TPP1: variants seen among roughly 807,000 people sequenced by gnomAD.
TPP1 encodes tripeptidyl-peptidase 1.
TPP1 carries 43 observed loss-of-function variants against 67.6 expected under a neutral mutation model. The ratio of observed to expected loss-of-function variants is 0.64; its 90% confidence interval spans 0.50 to 0.82. The LOEUF (loss-of-function observed/expected upper bound fraction) is 0.82. Among genes scored for constraint, TPP1 ranks in the 40% least tolerant of loss-of-function variants. The pLI is 0.00. For missense variants in TPP1, 671 were observed against 710.9 expected (o/e 0.94, Z 0.64); for synonymous variants, 272 against 281.5 (o/e 0.97, Z 0.34).
In TPP1 at chr11:6,616,583, A is replaced by G. The variant is rs572962563; in HGVS notation, c.886+78T>C. 1.2e-5 allele frequency: 20 copies of G among 1,605,322 alleles called. No individual in the cohort carries two copies. In the South Asian group the frequency reaches 1.4e-4, roughly 11 times the overall value. On this transcript the variant is annotated intron_variant, in intron 7 of 12. Coordinates refer to ENST00000299427, the MANE Select transcript of TPP1 (RefSeq NM_000391.4). ...GGTTGTCAGGATCTCTCTCCAGCTT[A>G]TAGCATTCCCTTGAGGGAGCAGGGA...
intron 4 of TPP1, 85 bp from the exon 5 acceptor site, chr11:6,617,513 T>C: frequency 1.2e-6 from 2 of 1,612,098 alleles, no homozygotes; most frequent in Admixed American, 1.7e-5. Context: ...TCAGTCACTG[T>C]CTCCCCATGC....
intron 7 of TPP1, 32 bp from the exon 8 acceptor site, chr11:6,616,535 TG>T (rs1855588890): frequency 6.4e-7 from 1 of 1,563,288 alleles, no homozygotes; most frequent in African/African-American, 1.5e-5. Flanking sequence ...TTTTGAGGGA[TG>T]GGCACAAAGA....
chr11:6,614,624 A>T lies in TPP1; in HGVS notation c.1614T>A (p.Ser538=), dbSNP rs55684773. ...CTGTTACAGGATCCCAGCCAGGACCAGAGCAGAAACCCTGGCCCTCTACCT... is the reference window on the plus strand; with the variant it reads ...CTGTTACAGGATCCCAGCCAGGACCTGAGCAGAAACCCTGGCCCTCTACCT... ...DEEVEGQGFC[S]GPGWDPVTGW... The change falls in exon 13 of 13, where the codon TCT becomes TCA. Residue 538 remains serine, a synonymous_variant. Transcript: ENST00000299427. 11 of 1,614,062 alleles carry T rather than the reference A, an allele frequency of 6.8e-6. No homozygotes were observed. In the East Asian group the frequency reaches 2.5e-4, roughly 36 times the overall value.
intron 9 of TPP1, 50 bp from the exon 10 acceptor site, chr11:6,615,612 C>G: frequency 6.2e-7 from 1 of 1,612,492 alleles, no homozygotes; most frequent in East Asian, 2.2e-5. Flanking sequence ...AGGGGACCTC[C>G]AAGATATGTG....
intron 3 of TPP1, 99 bp downstream of exon 3, chr11:6,618,677 G>C: frequency 2.0e-6 from 3 of 1,533,094 alleles, no homozygotes; most frequent in Non-Finnish European, 2.7e-6. Flanking sequence ...AGGAACACAA[G>C]TGTCTTGGCA....
chr11:6,617,458 C>G (rs751902393), intron 4 of TPP1, 30 bp from the exon 5 acceptor site: 2 of 1,613,988 alleles, frequency 1.2e-6, no homozygotes, highest in African/African-American at 2.7e-5. Flanking sequence ...GGTCAGAAAG[C>G]TCAAAACGGA....
In TPP1 at chr11:6,616,814, G is replaced by A. The variant is rs587780481; in HGVS notation, c.733C>T (p.Arg245Cys). 28 of 1,613,612 alleles carry A rather than the reference G, an allele frequency of 1.7e-5. No homozygotes were observed. The South Asian group carries it at 2.3e-4, about 13-fold the overall frequency. ...FHDSDLAQFM[R>C]LFGGNFAHQA... Reference sequence around the variant, plus strand: ...TGTGCAAAGTTGCCACCGAAGAGGCGCATGAACTGAGCCAGGTCTGAGTCA... The same window carrying A: ...TGTGCAAAGTTGCCACCGAAGAGGCACATGAACTGAGCCAGGTCTGAGTCA... The change falls in exon 7 of 13, where the codon CGC becomes TGC. Residue 245 changes from arginine to cysteine, a missense_variant. Arg to Cys is a radical substitution (Grantham distance 180, BLOSUM62 -3). Coordinates refer to ENST00000299427, the MANE Select transcript of TPP1 (RefSeq NM_000391.4).
At position 6,616,433 on chromosome 11, in the gene TPP1, A is replaced by G; in HGVS notation, c.957T>C (p.His319=). 6.2e-7 allele frequency: 1 copy of G among 1,613,552 alleles called. No homozygotes were observed. Among genetic ancestry groups the G allele is most frequent in the South Asian group, 1.1e-5 (1 of 91,078 alleles). The change falls in exon 8 of 13, where the codon CAT becomes CAC. Residue 319 remains histidine (H), a synonymous_variant. Coordinates refer to ENST00000299427, the MANE Select transcript of TPP1 (RefSeq NM_000391.4). ...CATCTCCATAGCTCACAGTATGCAC[A>G]TGTGGCAGGGCTGACTCATTACTGA... is the stretch of plus-strand genomic sequence containing the variant. The part of the protein sequence containing the change: ...MLLSNESALP[H]VHTVSYGDDE...
In TPP1 at chr11:6,617,706, T is replaced by G. The variant is rs1169280756; in HGVS notation, c.300A>C (p.Gln100His). The G allele has an allele frequency of 5.0e-6, 8 of 1,614,060 alleles. No individual in the cohort carries two copies. The East Asian group carries it at 1.8e-4, about 36-fold the overall frequency. The change falls in exon 4 of 13, where the codon CAA becomes CAC. Residue 100 changes from glutamine (Q) to histidine (H), a missense_variant. Gln to His is a conservative substitution (Grantham distance 24). Transcript: ENST00000299427. ...RPSPLTLHTVQKWLLAAGAQK... is the reference protein window; with the variant it reads ...RPSPLTLHTVHKWLLAAGAQK... ...GGGCTCCGGCTGCCAAGAGCCATTT[T>G]TGCACCGTGTGGAGGGTCAGTGGGG...
Position 6,615,053 on chromosome 11 carries a change from G to A in TPP1, c.1426-62C>T. The stretch of plus-strand genomic sequence containing the variant: ...CTGAGTGATTGGACTTTTTGGGAGT[G>A]ATGCTTTAAAGTATCAGACATCTCT... On this transcript the variant is annotated intron_variant, in intron 11 of 12. Transcript: ENST00000299427. 2.5e-6 allele frequency: 4 copies of A among 1,613,606 alleles called. No individual in the cohort carries two copies. The South Asian group carries it at 4.4e-5, about 18-fold the overall frequency.
chr11:6,618,685 G>T, intron 3 of TPP1, 91 bp downstream of exon 3: 1 of 1,559,744 alleles, frequency 6.4e-7, no homozygotes, highest in Non-Finnish European at 8.7e-7. Flanking sequence ...AAGTGTCTTG[G>T]CAGGCTCTGA....
rs1228009570 is a variant in TPP1 at position 6,613,331 on chromosome 11, A to G, written c.*1215T>C. ...GTAAGGGGACGGAACAGCTTGAGCAAGAGTGAGAGTTCCTTGGGGTTTGGG... is the reference window on the plus strand; with the variant it reads ...GTAAGGGGACGGAACAGCTTGAGCAGGAGTGAGAGTTCCTTGGGGTTTGGG... On this transcript the variant is annotated 3_prime_UTR_variant, in exon 13 of 13. Coordinates refer to ENST00000299427, the MANE Select transcript of TPP1 (RefSeq NM_000391.4). 2.0e-5 allele frequency: 3 copies of G among 152,226 alleles called. No individual in the cohort carries two copies. Among genetic ancestry groups the G allele is most frequent in the African/African-American group, 7.2e-5 (3 of 41,448 alleles). 9.4% of individuals were successfully genotyped at this position (152,226 alleles called of 1,614,324 possible).
At chr11:6,617,454 A>T in intron 4 of TPP1, 26 bp from the exon 5 acceptor site, 1 of 1,614,104 alleles carries the variant, frequency 6.2e-7, no homozygotes, top group Non-Finnish European at 8.5e-7. Context: ...CAGAGGTCAG[A>T]AAGCTCAAAA....
chr11:6,617,560 C>A (rs1343634851), intron 4 of TPP1, 66 bp downstream of exon 4: 8 of 1,613,336 alleles, frequency 5.0e-6, no homozygotes, highest in Non-Finnish European at 6.8e-6. Flanking sequence ...AAGCTCTCAA[C>A]TCCCTCCCAT....
At position 6,614,591 on chromosome 11, in the gene TPP1, T is replaced by C. The variant is rs535082174; in HGVS notation, c.1647A>G (p.Gly549=). The change falls in exon 13 of 13, where the codon GGA becomes GGG. Residue 549 remains glycine (G), a synonymous_variant. Transcript: ENST00000299427. ...TCAGCAAAGCTGGGAAGTTGGGTGT[T>C]CCCCAGCCTGTTACAGGATCCCAGC... is the stretch of plus-strand genomic sequence containing the variant. ...GPGWDPVTGW[G]TPNFPALLKT... The C allele has an allele frequency of 6.2e-7, 1 of 1,613,914 alleles. No homozygotes were observed. The highest frequency in any genetic ancestry group is 1.1e-5 in the South Asian group (1 of 91,066).
At position 6,613,509 on chromosome 11, in the gene TPP1, CTGGAAGATGACT is replaced by C. The variant is rs1162233174; in HGVS notation, c.*1025_*1036del. 4 of 152,386 alleles carry C rather than the reference CTGGAAGATGACT, an allele frequency of 2.6e-5. No homozygotes were observed. The highest frequency in any genetic ancestry group is 4.4e-5 in the Non-Finnish European group (3 of 68,042). The allele number at this position is 152,386 out of a possible 1,614,324, so 9.4% of individuals were successfully genotyped here. ...GGCCTGATGGGATTTGCATTTTACT[CTGGAAGATGACT>C]TGGGGATTGGCAGGAAGTAAGGACA... On this transcript the variant is annotated 3_prime_UTR_variant, in exon 13 of 13. Transcript: ENST00000299427.
rs767078570 is a variant in TPP1, at chr11:6,618,918, G to A, written c.90-3C>T. 6 of 1,612,804 alleles carry A rather than the reference G, an allele frequency of 3.7e-6. No homozygotes were observed. The Admixed American group carries it at 5.0e-5, about 13-fold the overall frequency. ...GGGACACCCAGCCTGGGGGCAGCCT[G>A]TAGGGTCAGGGGTCAGGGACATGGC... is the stretch of plus-strand genomic sequence containing the variant. On this transcript the variant is annotated splice_region_variant and splice_polypyrimidine_tract_variant and intron_variant, in intron 2 of 12. Coordinates refer to ENST00000299427, the MANE Select transcript of TPP1 (RefSeq NM_000391.4).
rs1000290348 is a variant in TPP1 at position 6,616,805 on chromosome 11, C to T, written c.742G>A (p.Gly248Ser). Residue 248 changes from glycine (G) to serine (S), a missense_variant, in exon 7 of 13, where the codon GGT becomes AGT. Coordinates refer to ENST00000299427, the MANE Select transcript of TPP1 (RefSeq NM_000391.4). ...GATGCCTGATGTGCAAAGTTGCCACCGAAGAGGCGCATGAACTGAGCCAGG... is the reference window on the plus strand; with the variant it reads ...GATGCCTGATGTGCAAAGTTGCCACTGAAGAGGCGCATGAACTGAGCCAGG... The part of the protein sequence containing the change: ...SDLAQFMRLF[G>S]GNFAHQASVA... 2 of 1,613,714 alleles carry T rather than the reference C, an allele frequency of 1.2e-6. No individual in the cohort carries two copies. The highest frequency in any genetic ancestry group is 1.7e-6 in the Non-Finnish European group (2 of 1,180,024).
At position 6,613,981 on chromosome 11, in the gene TPP1, G is replaced by A. The variant is rs1331707640; in HGVS notation, c.*565C>T. The A allele has an allele frequency of 6.2e-6, 1 of 160,814 alleles. No individual in the cohort carries two copies. Among genetic ancestry groups the A allele is most frequent in the Non-Finnish European group, 1.4e-5 (1 of 72,108 alleles). The allele number at this position is 160,814 out of a possible 1,614,324, so 10.0% of individuals were successfully genotyped here. ...AGCAAAAATCTACAAATGGAGCAAT[G>A]AAGGTCAGCATTCCATGAAGAAGCA... is the stretch of plus-strand genomic sequence containing the variant. On this transcript the variant is annotated 3_prime_UTR_variant, in exon 13 of 13. Transcript: ENST00000299427.
Sources: allele counts gnomAD v4.1 joint callset, GRCh38; gene constraint gnomAD v4.1.1; transcripts MANE v1.5; gene names NCBI Gene and HGNC (gene_info 2026-07-23, HGNC 2026-07-21).